Variants in GPR139 observed in about 807,000 individuals in gnomAD.
GPR139 encodes probable G protein-coupled receptor 139.
In GPR139, 12 loss-of-function variants were observed where a neutral mutation model predicts 25.8. That is an observed-to-expected ratio of 0.47 (90% CI 0.30 to 0.75). The LOEUF is 0.75. Ranked by LOEUF, GPR139 falls within the 30% of genes least tolerant of loss-of-function variation. The probability of loss-of-function intolerance (pLI) is 0.07; values close to 1 mark genes in which losing one functional copy is unlikely to be tolerated. For synonymous variants in GPR139, 184 were observed against 179.9 expected, an observed-to-expected ratio of 1.02 and a Z score of -0.18; for missense variants, 380 against 450.2, an observed-to-expected ratio of 0.84 and a Z score of 1.41.
chr16:20,046,283 G>A (rs1052706144), intron 1 of GPR139, among the ~76,000 whole-genome samples: 3 of 152,182 alleles, frequency 2.0e-5, no homozygotes, highest in Non-Finnish European at 4.4e-5. Flanking sequence ...GCTGCTCACT[G>A]TGAATCAGGC....
chr16:20,053,988 A>G (rs1223335278), intron 1 of GPR139, among the ~76,000 whole-genome samples: 2 of 152,184 alleles, frequency 1.3e-5, no homozygotes, highest in African/African-American at 4.8e-5. Context: ...TTATTCATCA[A>G]ACTACCTCTC....
At chr16:20,037,557 C>T (rs887302795) in intron 1 of GPR139, among the ~76,000 whole-genome samples, 1 of 151,930 alleles carries the variant, frequency 6.6e-6, no homozygotes, top group African/African-American at 2.4e-5. Context: ...AGTGCAACAG[C>T]CTTGTGGTGG....
chr16:20,033,262 C>G (rs1015655733), intron 1 of GPR139, among the ~76,000 whole-genome samples: 11 of 151,522 alleles, frequency 7.3e-5, no homozygotes, highest in African/African-American at 1.5e-4. Context: ...CTCACACAAC[C>G]GTGAGAGGCG....
At chr16:20,041,849 G>A (rs1403822043) in intron 1 of GPR139, among the ~76,000 whole-genome samples, 1 of 152,228 alleles carries the variant, frequency 6.6e-6, no homozygotes, top group Non-Finnish European at 1.5e-5. Context: ...GAAGCTGGTT[G>A]TAGACTAGCC....
At chr16:20,040,814 G>A (rs1229782270) in intron 1 of GPR139, among the ~76,000 whole-genome samples, 1 of 152,114 alleles carries the variant, frequency 6.6e-6, no homozygotes, top group Non-Finnish European at 1.5e-5. Flanking sequence ...TGCAATGGCA[G>A]TTATGTGAAG....
intron 1 of GPR139, among the ~76,000 whole-genome samples, chr16:20,048,993 T>G (rs888790344): frequency 6.6e-6 from 1 of 152,192 alleles, no homozygotes; most frequent in Non-Finnish European, 1.5e-5. Flanking sequence ...AAGACTTTAG[T>G]TTTAAAGCCT....
At chr16:20,069,619 C>T (rs1444452872) in intron 1 of GPR139, among the ~76,000 whole-genome samples, 1 of 152,210 alleles carries the variant, frequency 6.6e-6, no homozygotes, top group East Asian at 1.9e-4. Flanking sequence ...GAAATGCACC[C>T]TTCTGCTGGG....
In GPR139 at chr16:20,073,794, G is replaced by A; in HGVS notation, c.-178C>T. On this transcript the variant is annotated 5_prime_UTR_variant, in exon 1 of 2. Coordinates refer to ENST00000570682, the MANE Select transcript of GPR139 (RefSeq NM_001002911.4). This position sits in a 1 kb window ranked among gnomAD's most constrained non-coding sequence, Gnocchi z 4.7. ...CCCTCTGCTCGCTCCGCACCTGCCC[G>A]CCTGGAGTCTTGGCTCAGCCCTCCC... is the stretch of plus-strand genomic sequence containing the variant. The A allele has an allele frequency of 1.3e-6, 1 of 781,894 alleles. No individual in the cohort carries two copies. Among genetic ancestry groups the A allele is most frequent in the Non-Finnish European group, 1.9e-6 (1 of 532,230 alleles). 48.4% of individuals were successfully genotyped at this position (781,894 alleles called of 1,614,324 possible). A position where few individuals can be genotyped will look rare whatever the true frequency, so the allele number is the denominator to read the frequency against.
chr16:20,048,177 G>A (rs1375447487), intron 1 of GPR139, among the ~76,000 whole-genome samples: 3 of 152,200 alleles, frequency 2.0e-5, no homozygotes, highest in African/African-American at 7.2e-5. Flanking sequence ...AGTTTTGAAT[G>A]TACTTAGGGT....
intron 1 of GPR139, among the ~76,000 whole-genome samples, chr16:20,072,642 C>T (rs2057463734): frequency 1.3e-5 from 2 of 152,224 alleles, no homozygotes; most frequent in African/African-American, 4.8e-5. Flanking sequence ...CAGGCAAGCA[C>T]TCCCTCCTTC....
At chr16:20,056,303 T>A (rs973349839) in intron 1 of GPR139, among the ~76,000 whole-genome samples, 2 of 152,236 alleles carry the variant, frequency 1.3e-5, no homozygotes, top group African/African-American at 2.4e-5. Context: ...TACTTCTGCA[T>A]CTCTCCAACT....
chr16:20,068,912 A>G (rs1202157733), intron 1 of GPR139, among the ~76,000 whole-genome samples: 1 of 151,140 alleles, frequency 6.6e-6, no homozygotes, highest in Non-Finnish European at 1.5e-5. Context: ...TGTTAATATG[A>G]TGAGTTATAC....
At chr16:20,065,946 G>C (rs1395243458) in intron 1 of GPR139, among the ~76,000 whole-genome samples, 1 of 151,626 alleles carries the variant, frequency 6.6e-6, no homozygotes, top group African/African-American at 2.4e-5. Flanking sequence ...TTAGTACATA[G>C]TAAGCACTAT....
chr16:20,040,147 C>T (rs1008068834), intron 1 of GPR139, among the ~76,000 whole-genome samples: 6 of 152,132 alleles, frequency 3.9e-5, no homozygotes, highest in Admixed American at 6.5e-5. Flanking sequence ...CGTGGATATC[C>T]AGCTCAATAA....
Position 20,073,492 on chromosome 16 carries a change from G to T in GPR139, c.125C>A (p.Pro42Gln). Residue 42 changes from proline to glutamine, a missense_variant and splice_region_variant, in exon 1 of 2, where the codon CCA becomes CAA. Coordinates refer to ENST00000570682, the MANE Select transcript of GPR139 (RefSeq NM_001002911.4). This position sits in a 1 kb window ranked among gnomAD's most constrained non-coding sequence, Gnocchi z 4.7. Reference sequence around the variant, plus strand: ...TCCCTCTCCCCCACGCCCCTCACCTGGTAAACCGAGGCACAGCAAGAGGCT... The same window carrying T: ...TCCCTCTCCCCCACGCCCCTCACCTTGTAAACCGAGGCACAGCAAGAGGCT... The part of the protein sequence containing the change: ...YYSLLLCLGL[P>Q]ANILTVIILS... 1 of 1,611,782 alleles carries T rather than the reference G, an allele frequency of 6.2e-7. No homozygotes were observed. Among genetic ancestry groups the T allele is most frequent in the Non-Finnish European group, 8.5e-7 (1 of 1,179,158 alleles).
intron 1 of GPR139, among the ~76,000 whole-genome samples, chr16:20,037,396 G>T (rs1844466318): frequency 6.6e-6 from 1 of 150,620 alleles, no homozygotes; most frequent in Non-Finnish European, 1.5e-5. Flanking sequence ...AAGTTACAGT[G>T]AGCCGAGATC....
chr16:20,055,787 G>A (rs920373509), intron 1 of GPR139, among the ~76,000 whole-genome samples: 6 of 152,182 alleles, frequency 3.9e-5, no homozygotes, highest in Admixed American at 6.5e-5. Flanking sequence ...ACCTCTTGCC[G>A]CTGTTCAGCA....
chr16:20,043,709 G>A (rs1454644246), intron 1 of GPR139, among the ~76,000 whole-genome samples: 1 of 152,198 alleles, frequency 6.6e-6, no homozygotes, highest in Non-Finnish European at 1.5e-5. Flanking sequence ...TACCTTGAAA[G>A]GACTTGATGG....
intron 1 of GPR139, among the ~76,000 whole-genome samples, chr16:20,066,876 T>C (rs1173954271): frequency 1.3e-5 from 2 of 152,142 alleles, no homozygotes; most frequent in Non-Finnish European, 2.9e-5. Flanking sequence ...CTGAAGAAAC[T>C]GAGGCTCAGA....
Sources: gnomAD v4.1 joint callset for allele counts (sites outside exome capture counted in the v4.1 genomes callset) on GRCh38, gnomAD v4.1.1 for gene constraint, Gnocchi (gnomAD v3.1) non-coding constraint, MANE v1.5 for transcripts, NCBI Gene and HGNC (gene_info 2026-07-23, HGNC 2026-07-21) for gene names.